Variants in SLC6A17 observed in about 807,000 individuals in gnomAD.
SLC6A17 encodes the protein solute carrier family 6 member 17, also known as sodium-dependent neutral amino acid transporter SLC6A17.
In SLC6A17, 21 loss-of-function variants were observed where a neutral mutation model predicts 64.5. The ratio of observed to expected loss-of-function variants is 0.33; its 90% CI spans 0.23 to 0.47. SLC6A17 has a LOEUF of 0.47. SLC6A17 is among the 20% of genes least tolerant of loss of function. SLC6A17 has a pLI of 1.00. For missense variants in SLC6A17, 682 were observed against 963.2 expected, an observed-to-expected ratio of 0.71 and a Z score of 3.86; for synonymous variants, 372 against 399.5, an observed-to-expected ratio of 0.93 and a Z score of 0.82.
Position 110,198,082 on chromosome 1 carries a change from G to A in SLC6A17, c.1822G>A (p.Glu608Lys), listed in dbSNP as rs998440682. Residue 608 changes from glutamate (E) to lysine (K), a missense_variant, in exon 12 of 12, where the codon GAG becomes AAG. Coordinates refer to ENST00000331565, the MANE Select transcript of SLC6A17 (RefSeq NM_001010898.4). Reference sequence around the variant, plus strand: ...TAAGGCAGCCCACCCGCAGGCTGCCGAGCGCTACCTGTATTTCCCCAACTG... The same window carrying A: ...TAAGGCAGCCCACCCGCAGGCTGCCAAGCGCTACCTGTATTTCCCCAACTG... ...YSAWIKEEAAERYLYFPNWAM... is the reference protein window; with the variant it reads ...YSAWIKEEAAKRYLYFPNWAM... 58 of 1,610,688 alleles carry A rather than the reference G, an allele frequency of 3.6e-5. No homozygotes were observed. The highest frequency in any genetic ancestry group is 4.7e-5 in the Non-Finnish European group (55 of 1,178,514).
At chr1:110,185,219 C>T (rs1043833642) in intron 6 of SLC6A17, among the ~76,000 whole-genome samples, 2 of 152,258 alleles carry the variant, frequency 1.3e-5, no homozygotes, top group Non-Finnish European at 2.9e-5. Context: ...GACAGTGGCA[C>T]CTCCCCAATG....
At chr1:110,188,150 G>T (rs1248105501) in intron 6 of SLC6A17, among the ~76,000 whole-genome samples, 1 of 152,126 alleles carries the variant, frequency 6.6e-6, no homozygotes, top group Non-Finnish European at 1.5e-5. Context: ...CCCTGCTGGG[G>T]GTGATATGTA....
At chr1:110,185,727 A>C (rs1052672962) in intron 6 of SLC6A17, among the ~76,000 whole-genome samples, 2 of 152,184 alleles carry the variant, frequency 1.3e-5, no homozygotes, top group Non-Finnish European at 2.9e-5. Flanking sequence ...CCGGGGGTTC[A>C]TCCTCTGTTG....
chr1:110,181,962 G>A (rs985870313), intron 6 of SLC6A17, among the ~76,000 whole-genome samples: 2 of 152,204 alleles, frequency 1.3e-5, no homozygotes, highest in African/African-American at 4.8e-5. Context: ...TGAAAAGGGA[G>A]CCATCGAGAG....
At chr1:110,176,439 G>T (rs760732748) in intron 5 of SLC6A17, among the ~76,000 whole-genome samples, 190 bp from the exon 6 acceptor site, 6 of 152,182 alleles carry the variant, frequency 3.9e-5, no homozygotes, top group African/African-American at 7.2e-5. Flanking sequence ...ACTCCAGCTT[G>T]TCCTGTTCCT....
chr1:110,185,381 C>T (rs1444051789), intron 6 of SLC6A17, among the ~76,000 whole-genome samples: 4 of 152,238 alleles, frequency 2.6e-5, no homozygotes, highest in African/African-American at 7.2e-5. Flanking sequence ...TTCGTGGCCC[C>T]GGCTGGCTCC....
intron 1 of SLC6A17, chr1:110,166,268 G>T (rs1042596641): frequency 1.3e-5 from 2 of 150,406 alleles, no homozygotes; most frequent in Non-Finnish European, 2.9e-5. Context: ...GGGCCCCCTG[G>T]TGATGGCTCA....
At chr1:110,188,143 T>C (rs753975) in intron 6 of SLC6A17, among the ~76,000 whole-genome samples, 46,414 of 152,168 alleles carry the variant, frequency 0.31, 7,819 homozygotes, top group Non-Finnish European at 0.37. Flanking sequence ...CCCCAGACCC[T>C]GCTGGGGGTG....
At chr1:110,156,970 G>A (rs775002826) in intron 1 of SLC6A17, among the ~76,000 whole-genome samples, 96 of 152,342 alleles carry the variant, frequency 6.3e-4, no homozygotes, top group Non-Finnish European at 1.3e-3. Context: ...CAGATGCTGT[G>A]AGGACTCATC....
At chr1:110,174,503 C>T (rs1028862709) in intron 4 of SLC6A17, among the ~76,000 whole-genome samples, 4 of 152,204 alleles carry the variant, frequency 2.6e-5, no homozygotes, top group African/African-American at 9.6e-5. Flanking sequence ...AATTCAGCCT[C>T]ACGTTTCCTC....
At chr1:110,194,866 C>T in intron 9 of SLC6A17, 95 bp downstream of exon 9, 8 of 1,456,662 alleles carry the variant, frequency 5.5e-6, no homozygotes, top group Non-Finnish European at 7.5e-6. Flanking sequence ...CATGACCCCA[C>T]ACCCAGAAGG....
rs1655563394 is a variant in SLC6A17 at position 110,150,508 on chromosome 1, G to A, written c.-463G>A. On this transcript the variant is annotated 5_prime_UTR_variant, in exon 1 of 12. Coordinates refer to ENST00000331565, the MANE Select transcript of SLC6A17 (RefSeq NM_001010898.4). ...GCCAGGGTGGCCTTTCGGAAAGCGAGGGAACAGTGCGCGCAGCGCTCCGCC... is the reference window on the plus strand; with the variant it reads ...GCCAGGGTGGCCTTTCGGAAAGCGAAGGAACAGTGCGCGCAGCGCTCCGCC... The A allele has an allele frequency of 1.3e-5, 2 of 152,278 alleles. No homozygotes were observed. The highest frequency in any genetic ancestry group is 2.9e-5 in the Non-Finnish European group (2 of 68,102). The allele number at this position is 152,278 out of a possible 1,614,324, so 9.4% of individuals were successfully genotyped here. A position where few individuals can be genotyped will look rare whatever the true frequency, so the allele number is the denominator to read the frequency against.
chr1:110,174,477 C>T (rs746926850), intron 4 of SLC6A17, among the ~76,000 whole-genome samples: 2 of 152,178 alleles, frequency 1.3e-5, no homozygotes, highest in South Asian at 2.1e-4. Context: ...GGACCTTCCC[C>T]GAGGAACTTT....
At chr1:110,152,702 A>G (rs181610401) in intron 1 of SLC6A17, among the ~76,000 whole-genome samples, 1 of 152,218 alleles carries the variant, frequency 6.6e-6, no homozygotes, top group Non-Finnish European at 1.5e-5. Context: ...CAGTGGGGTG[A>G]CCTTGGGCAA....
Position 110,198,550 on chromosome 1 carries a change from G to T in SLC6A17, c.*106G>T, listed in dbSNP as rs1243277508. On this transcript the variant is annotated 3_prime_UTR_variant, in exon 12 of 12. Coordinates refer to ENST00000331565, the MANE Select transcript of SLC6A17 (RefSeq NM_001010898.4). The stretch of plus-strand genomic sequence containing the variant: ...CCACCAGGCCCAGGCCAGGCCCTTT[G>T]CCCAAGAAGAGAGGGTCTGCCCTGC... The T allele has an allele frequency of 6.7e-7, 1 of 1,502,134 alleles. No individual in the cohort carries two copies. The highest frequency in any genetic ancestry group is 8.8e-7 in the Non-Finnish European group (1 of 1,131,686). 93.1% of individuals were successfully genotyped at this position (1,502,134 alleles called of 1,614,324 possible). A position where few individuals can be genotyped will look rare whatever the true frequency, so the allele number is the denominator to read the frequency against.
At chr1:110,196,572 G>T (rs1258335238) in intron 10 of SLC6A17, among the ~76,000 whole-genome samples, 5 of 152,152 alleles carry the variant, frequency 3.3e-5, no homozygotes, top group Non-Finnish European at 5.9e-5. Flanking sequence ...TTTGTGTCCT[G>T]GACTCCTTCG....
At chr1:110,154,426 G>A (rs772329961) in intron 1 of SLC6A17, among the ~76,000 whole-genome samples, 1 of 152,190 alleles carries the variant, frequency 6.6e-6, no homozygotes, top group South Asian at 2.1e-4. Context: ...AGAGCTGTGG[G>A]TCCAGTTTTT....
intron 1 of SLC6A17, among the ~76,000 whole-genome samples, chr1:110,162,609 C>G (rs1321107878): frequency 6.6e-6 from 1 of 152,172 alleles, no homozygotes; most frequent in Non-Finnish European, 1.5e-5. Flanking sequence ...CCTGATGCTT[C>G]TCCCAGACAA....
intron 1 of SLC6A17, among the ~76,000 whole-genome samples, chr1:110,160,016 C>A (rs967362292): frequency 2.0e-5 from 3 of 152,188 alleles, no homozygotes; most frequent in African/African-American, 7.2e-5. Context: ...ACAAACCCGA[C>A]AAATCTGTGA....
Sources: allele counts gnomAD v4.1 joint callset (sites outside exome capture counted in the v4.1 genomes callset), GRCh38; gene constraint gnomAD v4.1.1; transcripts MANE v1.5; gene names NCBI Gene and HGNC (gene_info 2026-07-23, HGNC 2026-07-21).